The following EDEM1 variants were observed in gnomAD, a reference collection of about 807,000 sequenced individuals.
The protein encoded by EDEM1 is ER degradation-enhancing alpha-mannosidase-like protein 1.
In EDEM1, 67 loss-of-function variants were observed where a neutral mutation model predicts 74.4. That is an observed-to-expected ratio of 0.90 (90% CI 0.74 to 1.10). The LOEUF (loss-of-function observed/expected upper bound fraction) is 1.10. Ranked by LOEUF, EDEM1 falls within the 50% of genes least tolerant of loss-of-function variation. EDEM1 has a pLI of 0.00. For synonymous variants in EDEM1, 382 were observed against 335.9 expected (o/e 1.14, Z -1.50); for missense variants, 926 against 851.6 (o/e 1.09, Z -1.09).
Position 5,208,766 on chromosome 3 carries a change from TATATACACACACACACACACAC to T in EDEM1, c.1509+509_1509+530del, listed in dbSNP as rs1175037005. Among the ~76,000 whole-genome samples the T allele has an allele frequency of 6.6e-5, 10 of 150,822 alleles. No individual in the cohort carries two copies. In the East Asian group the frequency reaches 1.9e-3, roughly 29 times the overall value. ...GTTTGTGTGTGTGTGTGTGTATATA[TATATACACACACACACACACAC>T]ATATATATGTAATAGTGTTCATCCT... On this transcript the variant is annotated intron_variant, in intron 8 of 11. Transcript: ENST00000256497.
rs921985362 is a variant in EDEM1 at position 5,213,272 on chromosome 3, C to T, written c.1681-47C>T. 7 of 1,561,856 alleles carry T rather than the reference C, an allele frequency of 4.5e-6. No homozygotes were observed. In the African/African-American group the frequency reaches 9.4e-5, roughly 21 times the overall value. ...GGACACGCCCCCATGATTCAGTTCC[C>T]AGTGTGCTACAATTATTGGTTGTAT... On this transcript the variant is annotated intron_variant, in intron 10 of 11. Transcript: ENST00000256497.
intron 11 of EDEM1, among the ~76,000 whole-genome samples, chr3:5,214,636 A>G (rs2055208718): frequency 6.6e-6 from 1 of 152,218 alleles, no homozygotes; most frequent in African/African-American, 2.4e-5. Flanking sequence ...ACTTCTAACA[A>G]CAGCCCTGTG....
rs1320035057 is a variant in EDEM1 at position 5,187,734 on chromosome 3, C to G, written c.-72C>G. 2 of 1,427,738 alleles carry G rather than the reference C, an allele frequency of 1.4e-6. No individual in the cohort carries two copies. The highest frequency in any genetic ancestry group is 1.8e-6 in the Non-Finnish European group (2 of 1,090,922). 88.4% of individuals were successfully genotyped at this position (1,427,738 alleles called of 1,614,324 possible). Reference sequence around the variant, plus strand: ...AGGGGAAGCGAGCCGGGCTACGGGGCGAGCGCGGGGTGCGGTGGTCGGCGG... The same window carrying G: ...AGGGGAAGCGAGCCGGGCTACGGGGGGAGCGCGGGGTGCGGTGGTCGGCGG... On this transcript the variant is annotated 5_prime_UTR_variant, in exon 1 of 12. Coordinates refer to ENST00000256497, the MANE Select transcript of EDEM1 (RefSeq NM_014674.3).
At position 5,213,789 on chromosome 3, in the gene EDEM1, C is replaced by T. The variant is rs542257108; in HGVS notation, c.1884+267C>T. Among the ~76,000 whole-genome samples, 54 of 152,184 alleles carry T rather than the reference C, an allele frequency of 3.5e-4. No homozygotes were observed. In the South Asian group the frequency reaches 8.7e-3, roughly 25 times the overall value. On this transcript the variant is annotated intron_variant, in intron 11 of 11. Transcript: ENST00000256497. The stretch of plus-strand genomic sequence containing the variant: ...GAAGGGGGGAGCCTTGTGGGAGGAG[C>T]GAGCACTCAGCAGGAGCCACGGCTC...
intron 1 of EDEM1, among the ~76,000 whole-genome samples, chr3:5,191,704 A>T (rs1283834639): frequency 6.6e-6 from 1 of 152,214 alleles, no homozygotes; most frequent in Non-Finnish European, 1.5e-5. Flanking sequence ...CCTCAAGTAC[A>T]TGTGACTTGT....
chr3:5,213,880 C>A (rs754567309), intron 11 of EDEM1, among the ~76,000 whole-genome samples: 11 of 152,142 alleles, frequency 7.2e-5, no homozygotes, highest in Non-Finnish European at 2.9e-5. Flanking sequence ...CCTCCCCGCT[C>A]CCCCAGTTGC....
rs772504341 is a variant in EDEM1, at chr3:5,208,102, G to A, written c.1348G>A (p.Gly450Arg). 1 of 1,603,308 alleles carries A rather than the reference G, an allele frequency of 6.2e-7. No homozygotes were observed. The highest frequency in any genetic ancestry group is 1.8e-5 in the Admixed American group (1 of 55,878). Residue 450 changes from glycine to arginine, a missense_variant, in exon 8 of 12, where the codon GGA becomes AGA. Gly to Arg is a moderately radical substitution (Grantham distance 125). Transcript: ENST00000256497. Reference sequence around the variant, plus strand: ...TGTGTCCTCTCCTTAGGTGCTGATAGGAGATGTGGAAGATGCCATCTGCCT... The same window carrying A: ...TGTGTCCTCTCCTTAGGTGCTGATAAGAGATGTGGAAGATGCCATCTGCCT... ...AFFPGLQVLI[G>R]DVEDAICLHA...
intron 4 of EDEM1, among the ~76,000 whole-genome samples, chr3:5,202,552 C>G (rs533135665): frequency 6.6e-6 from 1 of 152,300 alleles, no homozygotes; most frequent in East Asian, 1.9e-4. Flanking sequence ...GGTAGTGCCT[C>G]CTTTCTTGCC....
At chr3:5,207,696 C>T (rs190930443) in intron 7 of EDEM1, among the ~76,000 whole-genome samples, 55 of 152,146 alleles carry the variant, frequency 3.6e-4, no homozygotes, top group African/African-American at 9.4e-4. Context: ...TTAGTAGAGA[C>T]GGGGTTTCAC....
chr3:5,210,884 C>T (rs1005641098), intron 9 of EDEM1, among the ~76,000 whole-genome samples: 10 of 152,090 alleles, frequency 6.6e-5, no homozygotes, highest in Non-Finnish European at 1.5e-4. Context: ...GCCAGCACCC[C>T]GCCACCACGC....
intron 2 of EDEM1, among the ~76,000 whole-genome samples, chr3:5,198,708 AGGAATAAAATGGGAGGCAG>A (rs1326845658): frequency 3.4e-5 from 3 of 88,756 alleles, no homozygotes; most frequent in Non-Finnish European, 6.5e-5. Context: ...TATCTTATTT[AGGAATAAAATGGGAGGCAG>A]GTTTGCCTGA....
At chr3:5,212,500 T>C (rs2055179258) in intron 10 of EDEM1, among the ~76,000 whole-genome samples, 1 of 152,218 alleles carries the variant, frequency 6.6e-6, no homozygotes, top group Non-Finnish European at 1.5e-5. Context: ...CTGGAGGGTG[T>C]GCTAGCTGAA....
intron 5 of EDEM1, among the ~76,000 whole-genome samples, chr3:5,203,443 G>A (rs2055057901): frequency 6.6e-6 from 1 of 152,180 alleles, no homozygotes; most frequent in Non-Finnish European, 1.5e-5. Flanking sequence ...CTCTGAGGCA[G>A]ATTTTATTGC....
intron 1 of EDEM1, among the ~76,000 whole-genome samples, chr3:5,193,043 A>G (rs1289523120): frequency 6.6e-6 from 1 of 152,142 alleles, no homozygotes; most frequent in East Asian, 1.9e-4. Context: ...TAAAACATAG[A>G]AAGGAGTTCA....
At chr3:5,189,685 C>G (rs2054876173) in intron 1 of EDEM1, 1 of 152,278 alleles carries the variant, frequency 6.6e-6, no homozygotes, top group Non-Finnish European at 1.5e-5. Context: ...ACTGCAACCT[C>G]CGCCTCTGTG....
chr3:5,202,301 T>C (rs1416444265), intron 4 of EDEM1, among the ~76,000 whole-genome samples: 1 of 152,214 alleles, frequency 6.6e-6, no homozygotes, highest in Non-Finnish European at 1.5e-5. Context: ...CTCACATGGG[T>C]ATTGCGGGAG....
At chr3:5,210,530 A>C (rs1484421987) in intron 9 of EDEM1, among the ~76,000 whole-genome samples, 1 of 152,234 alleles carries the variant, frequency 6.6e-6, no homozygotes, top group Non-Finnish European at 1.5e-5. Flanking sequence ...GGAGTACAGA[A>C]AATATAAAGC....
intron 1 of EDEM1, among the ~76,000 whole-genome samples, chr3:5,191,013 T>TTTTCTTTTGTG (rs1487629616): frequency 5.3e-5 from 8 of 152,136 alleles, no homozygotes; most frequent in African/African-American, 1.9e-4. Flanking sequence ...CCCTCAAGCA[T>TTTTCTTTTGTG]TTTTCTTTTG....
intron 2 of EDEM1, among the ~76,000 whole-genome samples, chr3:5,195,934 G>C (rs1199478548): frequency 6.6e-6 from 1 of 152,236 alleles, no homozygotes; most frequent in African/African-American, 2.4e-5. Context: ...TGCTTCATCT[G>C]CTTCACCTTT....
Sources: allele counts gnomAD v4.1 joint callset (sites outside exome capture counted in the v4.1 genomes callset), GRCh38; gene constraint gnomAD v4.1.1; transcripts MANE v1.5; gene names NCBI Gene and HGNC (gene_info 2026-07-23, HGNC 2026-07-21).